The following MGARP variants were observed in gnomAD, a reference collection of about 807,000 sequenced individuals.
MGARP encodes the protein protein MGARP.
Under a neutral mutation model 11.0 loss-of-function variants are expected in MGARP, and 12 were observed. That is an observed-to-expected ratio of 1.09 (90% CI 0.70 to 1.77). The LOEUF (loss-of-function observed/expected upper bound fraction) is 1.77, where lower values mean the gene tolerates loss of function less well. Ranked by LOEUF, MGARP falls within the 40% of genes most tolerant of loss-of-function variation. The pLI, the probability that MGARP is intolerant of heterozygous loss-of-function variation, is 0.00. For synonymous variants in MGARP, 110 were observed against 115.4 expected (o/e 0.95, Z 0.30); for missense variants, 283 against 297.8 (o/e 0.95, Z 0.36).
chr4:139,272,916 GA>G (rs1744808625), intron 2 of MGARP, among the ~76,000 whole-genome samples: 1 of 151,952 alleles, frequency 6.6e-6, no homozygotes, highest in South Asian at 2.1e-4. Flanking sequence ...TTGAACTCCT[GA>G]ACTCGTGATC....
At chr4:139,270,216 C>G (rs1327668482) in intron 2 of MGARP, among the ~76,000 whole-genome samples, 1 of 150,202 alleles carries the variant, frequency 6.7e-6, no homozygotes, top group Non-Finnish European at 1.5e-5. Flanking sequence ...AGGAGAATCA[C>G]TTGAACCCTG....
intron 1 of MGARP, among the ~76,000 whole-genome samples, chr4:139,276,589 G>A (rs1474613456): frequency 6.6e-6 from 1 of 152,198 alleles, no homozygotes; most frequent in Non-Finnish European, 1.5e-5. Context: ...GCTTATGCCT[G>A]TAATCCCAAC....
chr4:139,279,609 T>G (rs1203899456), intron 1 of MGARP, among the ~76,000 whole-genome samples: 4 of 152,140 alleles, frequency 2.6e-5, no homozygotes, highest in Non-Finnish European at 5.9e-5. Context: ...TCCCAGCGCT[T>G]GCCGGGCCCG....
chr4:139,268,378 G>A (rs1278773929), intron 3 of MGARP, among the ~76,000 whole-genome samples: 1 of 152,212 alleles, frequency 6.6e-6, no homozygotes, highest in African/African-American at 2.4e-5. Context: ...ATGCCTGCAT[G>A]GGTGGATGCC....
intron 1 of MGARP, among the ~76,000 whole-genome samples, 193 bp downstream of exon 1, chr4:139,279,884 C>T (rs995172453): frequency 1.2e-4 from 19 of 152,220 alleles, no homozygotes; most frequent in Admixed American, 2.6e-4. Context: ...TGGAAAAGTT[C>T]CCTACTTCCA....
chr4:139,271,218 A>G (rs1744776242), intron 2 of MGARP, among the ~76,000 whole-genome samples: 1 of 152,184 alleles, frequency 6.6e-6, no homozygotes, highest in Non-Finnish European at 1.5e-5. Context: ...CCAGTCTGGT[A>G]CTACTTTTTA....
At chr4:139,272,898 G>A (rs1744807942) in intron 2 of MGARP, among the ~76,000 whole-genome samples, 3 of 151,848 alleles carry the variant, frequency 2.0e-5, no homozygotes, top group Admixed American at 6.6e-5. Context: ...TTCTTGACCA[G>A]GCTGGTCTTG....
chr4:139,275,541 G>T, intron 1 of MGARP, 149 bp from the exon 2 acceptor site: 1 of 609,818 alleles, frequency 1.6e-6, no homozygotes, highest in East Asian at 2.8e-5. Flanking sequence ...GTATTACGAG[G>T]CTGGGTAATA....
At chr4:139,269,195 A>AAATG (rs938578696) in intron 2 of MGARP, among the ~76,000 whole-genome samples, 39 of 152,302 alleles carry the variant, frequency 2.6e-4, no homozygotes, top group African/African-American at 8.9e-4. Context: ...AGGAAGAAAA[A>AAATG]AATGAATTAT....
rs1744704871 is a variant in MGARP at position 139,266,826 on chromosome 4, T to C, written c.496A>G (p.Arg166Gly). 6.2e-7 allele frequency: 1 copy of C among 1,614,066 alleles called. No homozygotes were observed. The highest frequency in any genetic ancestry group is 1.3e-5 in the African/African-American group (1 of 74,924). Residue 166 changes from arginine (R) to glycine (G), a missense_variant, in exon 4 of 4, where the codon AGG (arginine) becomes GGG (glycine). Coordinates refer to ENST00000398955, the MANE Select transcript of MGARP (RefSeq NM_032623.4). ...TGPEVTDAAARETTEVNPETT... is the reference protein window; with the variant it reads ...TGPEVTDAAAGETTEVNPETT... ...TCAGGGTTTACTTCCGTGGTTTCCCTCGCCGCTGCATCTGTGACCTCTGGC... is the reference window on the plus strand; with the variant it reads ...TCAGGGTTTACTTCCGTGGTTTCCCCCGCCGCTGCATCTGTGACCTCTGGC...
intron 2 of MGARP, among the ~76,000 whole-genome samples, chr4:139,269,372 T>G (rs943438574): frequency 1.3e-5 from 2 of 152,074 alleles, no homozygotes; most frequent in Non-Finnish European, 2.9e-5. Flanking sequence ...CTCATGCCTG[T>G]AATCCCAGCA....
intron 2 of MGARP, 151 bp downstream of exon 2, chr4:139,275,138 T>C (rs1164381157): frequency 1.9e-6 from 1 of 534,584 alleles, no homozygotes; most frequent in Non-Finnish European, 3.3e-6. Context: ...TGCCACCTAT[T>C]TTTCAGATGT....
At chr4:139,272,231 T>C (rs952968118) in intron 2 of MGARP, among the ~76,000 whole-genome samples, 1 of 152,040 alleles carries the variant, frequency 6.6e-6, no homozygotes, top group Non-Finnish European at 1.5e-5. Flanking sequence ...TCCTTGAGGC[T>C]CTCAAAATTC....
chr4:139,274,990 C>A (rs1189406999), intron 2 of MGARP, among the ~76,000 whole-genome samples: 1 of 152,036 alleles, frequency 6.6e-6, no homozygotes, highest in Non-Finnish European at 1.5e-5. Context: ...GAAATGCTGA[C>A]TTTACAAATA....
chr4:139,276,071 G>T (rs1744864896), intron 1 of MGARP, among the ~76,000 whole-genome samples: 1 of 152,118 alleles, frequency 6.6e-6, no homozygotes, highest in African/African-American at 2.4e-5. Flanking sequence ...ACTAACATTT[G>T]CATATCCTAT....
rs1479815819 is a variant in MGARP at position 139,266,707 on chromosome 4, A to G, written c.615T>C (p.Tyr205=). Residue 205 remains tyrosine, a synonymous_variant, in exon 4 of 4, where the codon TAT becomes TAC. Transcript: ENST00000398955. The part of the protein sequence containing the change: ...DTTKNETSDE[Y]AELEEENSPA... ...GAGAATTTTCTTCTTCTAGTTCAGC[A>G]TATTCATCAGAGGTTTCGTTCTTTG... 1.2e-6 allele frequency: 2 copies of G among 1,614,158 alleles called. No homozygotes were observed. Among genetic ancestry groups the G allele is most frequent in the Middle Eastern group, 3.3e-4 (2 of 6,062 alleles).
chr4:139,271,291 C>G (rs1744777112), intron 2 of MGARP, among the ~76,000 whole-genome samples: 1 of 152,140 alleles, frequency 6.6e-6, no homozygotes, highest in South Asian at 2.1e-4. Flanking sequence ...TTTGGGAGGC[C>G]GAGGCGGGTG....
intron 2 of MGARP, among the ~76,000 whole-genome samples, chr4:139,274,680 C>T (rs1744840831): frequency 6.6e-6 from 1 of 151,960 alleles, no homozygotes; most frequent in African/African-American, 2.4e-5. Context: ...ATGGGGTTTC[C>T]TCATGTTGGC....
chr4:139,269,900 G>A (rs940619999), intron 2 of MGARP, among the ~76,000 whole-genome samples: 1 of 152,058 alleles, frequency 6.6e-6, no homozygotes, highest in African/African-American at 2.4e-5. Flanking sequence ...TATATATAGT[G>A]TCTTCTAAAT....
Sources: gnomAD v4.1 joint callset for allele counts (sites outside exome capture counted in the v4.1 genomes callset) on GRCh38, gnomAD v4.1.1 for gene constraint, MANE v1.5 for transcripts, NCBI Gene and HGNC (gene_info 2026-07-23, HGNC 2026-07-21) for gene names.